Variants in DPP6 observed in about 807,000 individuals in gnomAD.
The protein encoded by DPP6 is A-type potassium channel modulatory protein DPP6.
Under a neutral mutation model 122.6 loss-of-function variants are expected in DPP6, and 69 were observed. The ratio of observed to expected loss-of-function variants is 0.56; its 90% confidence interval spans 0.46 to 0.69. DPP6 has a LOEUF of 0.69. DPP6 is among the 30% of genes least tolerant of loss of function. The pLI is 0.00. For synonymous variants in DPP6, 418 were observed against 433.1 expected (o/e 0.97, Z 0.43); for missense variants, 928 against 1,116.9 (o/e 0.83, Z 2.41).
At chr7:153,861,571 T>C in the DPP6 span, among the ~76,000 whole-genome samples, 1 of 152,210 alleles carries the variant, frequency 6.6e-6, no homozygotes, top group Admixed American at 6.5e-5. Flanking sequence ...CCTGAAGGCC[T>C]CTACAATGAG....
intron 1 of DPP6, among the ~76,000 whole-genome samples, chr7:154,379,935 CT>C (rs1331110276): frequency 6.6e-6 from 1 of 152,094 alleles, no homozygotes; most frequent in African/African-American, 2.4e-5. Context: ...TTAAGTGAAT[CT>C]AATCATGAGG....
intron 5 of DPP6, among the ~76,000 whole-genome samples, chr7:154,597,319 C>T (rs972893755): frequency 1.3e-5 from 2 of 151,992 alleles, no homozygotes; most frequent in Admixed American, 6.6e-5. Flanking sequence ...ATTTGAGTAG[C>T]ATGGCTGGGC....
At chr7:153,988,196 C>A (rs1796943768) in intron 1 of DPP6, among the ~76,000 whole-genome samples, 1 of 152,100 alleles carries the variant, frequency 6.6e-6, no homozygotes, top group African/African-American at 2.4e-5. Flanking sequence ...GAGGGTGATG[C>A]ATCAAACTGA....
chr7:154,275,675 G>A (rs1489744303), intron 1 of DPP6, among the ~76,000 whole-genome samples: 1 of 152,254 alleles, frequency 6.6e-6, no homozygotes, highest in African/African-American at 2.4e-5. Context: ...CCCTGCAGAT[G>A]TGAGGACAGT....
At chr7:154,627,876 G>C (rs775294984) in intron 5 of DPP6, among the ~76,000 whole-genome samples, 39 of 152,208 alleles carry the variant, frequency 2.6e-4, no homozygotes, top group Non-Finnish European at 4.9e-4. Flanking sequence ...TCTTGGGAAG[G>C]GGGCAGTGTG....
intron 1 of DPP6, among the ~76,000 whole-genome samples, chr7:154,348,036 T>G (rs1349191695): frequency 2.6e-5 from 4 of 152,220 alleles, no homozygotes; most frequent in African/African-American, 9.6e-5. Flanking sequence ...TGAGGAACTA[T>G]GCTGTAAGTA....
chr7:153,981,410 T>C (rs968369033), intron 1 of DPP6, among the ~76,000 whole-genome samples: 38 of 152,214 alleles, frequency 2.5e-4, no homozygotes, highest in African/African-American at 9.2e-4. Flanking sequence ...TTTTCCTCCA[T>C]CCCTTTATTT....
Position 154,772,869 on chromosome 7 carries a change from T to G in DPP6, c.1063T>G (p.Ser355Ala). The G allele has an allele frequency of 6.2e-7, 1 of 1,613,332 alleles. No homozygotes were observed. The highest frequency in any genetic ancestry group is 8.5e-7 in the Non-Finnish European group (1 of 1,179,746). ...GGCTGGAAGTGAGAACCCCAGCATTTCCCTACACGTTATTGGCTTAAATGG... is the reference window on the plus strand; with the variant it reads ...GGCTGGAAGTGAGAACCCCAGCATTGCCCTACACGTTATTGGCTTAAATGG... ...PKAGSENPSI[S>A]LHVIGLNGPT... The change falls in exon 10 of 26, where the codon TCC becomes GCC. Residue 355 changes from serine (S) to alanine (A), a missense_variant. Transcript: ENST00000377770.
intron 1 of DPP6, among the ~76,000 whole-genome samples, chr7:154,421,737 A>G (rs1817490772): frequency 6.6e-6 from 1 of 152,224 alleles, no homozygotes; most frequent in Non-Finnish European, 1.5e-5. Context: ...TAATAGATCC[A>G]AATGACACCA....
intron 1 of DPP6, among the ~76,000 whole-genome samples, chr7:154,244,594 T>A (rs952987620): frequency 3.3e-5 from 5 of 152,196 alleles, no homozygotes; most frequent in African/African-American, 1.2e-4. Context: ...CTGTTATAAA[T>A]GTTTTAAGTT....
At chr7:154,300,467 C>T (rs1367497051) in intron 1 of DPP6, among the ~76,000 whole-genome samples, 3 of 152,254 alleles carry the variant, frequency 2.0e-5, no homozygotes, top group Non-Finnish European at 4.4e-5. Context: ...AAGGGAGGCA[C>T]TGGCCCAGAG....
intron 10 of DPP6, among the ~76,000 whole-genome samples, chr7:154,775,824 G>A (rs895206956): frequency 1.3e-5 from 2 of 152,150 alleles, no homozygotes; most frequent in Non-Finnish European, 2.9e-5. Flanking sequence ...CAGCATCTCA[G>A]GCCGAACCCG....
chr7:154,313,684 G>GGTGTGTGTGTGTGTGTGT (rs146683070), intron 1 of DPP6, among the ~76,000 whole-genome samples: 2 of 25,102 alleles, frequency 8.0e-5, no homozygotes, highest in Non-Finnish European at 1.5e-4. Context: ...TTTAAGATAT[G>GGTGTGTGTGTGTGTGTGT]GTATATATAT....
chr7:154,876,808 G>T (rs527955073), intron 20 of DPP6: 1 of 152,396 alleles, frequency 6.6e-6, no homozygotes, highest in Admixed American at 6.5e-5. Flanking sequence ...AGTTTTCACA[G>T]TCTGATGGCA....
At chr7:154,517,919 G>C (rs1044841754) in intron 3 of DPP6, among the ~76,000 whole-genome samples, 2 of 152,146 alleles carry the variant, frequency 1.3e-5, no homozygotes, top group African/African-American at 4.8e-5. Context: ...CGGAGAGGCA[G>C]CTCTAATAAA....
chr7:154,059,748 C>T (rs1413542617), intron 1 of DPP6, among the ~76,000 whole-genome samples: 23 of 151,286 alleles, frequency 1.5e-4, no homozygotes, highest in African/African-American at 4.7e-4. Flanking sequence ...CCATTGTATG[C>T]GTCAGAGAGA....
intron 25 of DPP6, chr7:154,890,854 A>G: frequency 6.6e-6 from 1 of 152,248 alleles, no homozygotes; most frequent in East Asian, 1.9e-4. Flanking sequence ...GCATTAATAA[A>G]TACTTCAAAA....
chr7:153,928,456 G>C (rs1396903918), intron 1 of DPP6, among the ~76,000 whole-genome samples: 3 of 121,662 alleles, frequency 2.5e-5, no homozygotes, highest in Non-Finnish European at 4.9e-5. Context: ...TGGCCAGGCT[G>C]GTCTTGAACT....
rs899089490 is a variant in DPP6 at position 154,801,471 on chromosome 7, T to C, written c.1407+9T>C. The C allele has an allele frequency of 1.9e-6, 3 of 1,562,570 alleles. No homozygotes were observed. In the Admixed American group the frequency reaches 5.6e-5, roughly 29 times the overall value. The stretch of plus-strand genomic sequence containing the variant: ...CGGTGTCCTCGTCCCAGGTAAGTCC[T>C]GCTAGTTTCCGGAGCTGAACTAGAA... On this transcript the variant is annotated intron_variant, in intron 13 of 25. Coordinates refer to ENST00000377770, the MANE Select transcript of DPP6 (RefSeq NM_130797.4).
Sources: gnomAD v4.1 joint callset for allele counts (sites outside exome capture counted in the v4.1 genomes callset) on GRCh38, gnomAD v4.1.1 for gene constraint, MANE v1.5 for transcripts, NCBI Gene and HGNC (gene_info 2026-07-23, HGNC 2026-07-21) for gene names.